The following TBL1Y variants were observed in gnomAD, a reference collection of about 807,000 sequenced individuals.
TBL1Y encodes F-box-like/WD repeat-containing protein TBL1Y.
In TBL1Y, 15 loss-of-function variants were observed where a neutral mutation model predicts 12.0. The observed-to-expected ratio is 1.25, with a 90% CI of 0.83 to 1.92. TBL1Y has a LOEUF of 1.92. Ranked by LOEUF, TBL1Y falls within the 40% of genes most tolerant of loss-of-function variation. TBL1Y has a pLI of 0.00. For synonymous variants in TBL1Y, 53 were observed against 42.6 expected (o/e 1.24, Z -0.95); for missense variants, 148 against 116.7 (o/e 1.27, Z -1.24).
intron 3 of TBL1Y, among the ~76,000 whole-genome samples, chrY:6,982,031 T>G (rs910048078): frequency 4.5e-4 from 15 of 33,132 alleles, no homozygotes; most frequent in African/African-American, 1.8e-3. Context: ...CCATTGAAAA[T>G]GGGAAGGTCA....
At chrY:7,057,868 C>A in intron 7 of TBL1Y, among the ~76,000 whole-genome samples, 1 of 34,086 alleles carries the variant, frequency 2.9e-5, no homozygotes. Context: ...CCTTTAACAG[C>A]ATCTCTAGTG....
At chrY:6,958,687 T>G (rs2012086718) in intron 2 of TBL1Y, among the ~76,000 whole-genome samples, 1 of 33,455 alleles carries the variant, frequency 3.0e-5, no homozygotes, top group African/African-American at 1.2e-4. Context: ...TACGTCATAA[T>G]TAAGTTCAAG....
intron 1 of TBL1Y, 33 bp from the exon 2 acceptor site, chrY:6,912,055 G>C: frequency 2.9e-5 from 1 of 34,357 alleles, no homozygotes; most frequent in Non-Finnish European, 7.3e-5. Flanking sequence ...CAACTGTTTT[G>C]CATGGTCATG....
At chrY:6,973,033 T>C in intron 2 of TBL1Y, among the ~76,000 whole-genome samples, 1 of 32,598 alleles carries the variant, frequency 3.1e-5, no homozygotes, top group African/African-American at 1.2e-4. Flanking sequence ...CTCTTCTGGA[T>C]GTGCATGTGA....
chrY:7,050,589 T>G, intron 7 of TBL1Y, among the ~76,000 whole-genome samples: 1 of 27,694 alleles, frequency 3.6e-5, no homozygotes, highest in Non-Finnish European at 8.3e-5. Context: ...AAATATAACT[T>G]ATATTCTATT....
intron 5 of TBL1Y, 133 bp from the exon 6 acceptor site, chrY:7,024,902 A>T: frequency 9.5e-6 from 1 of 105,723 alleles, no homozygotes. Flanking sequence ...ATAATTACAA[A>T]ATATAACGCA....
intron 13 of TBL1Y, among the ~76,000 whole-genome samples, chrY:7,075,317 T>C (rs2013055247): frequency 3.0e-5 from 1 of 33,880 alleles, no homozygotes; most frequent in African/African-American, 1.1e-4. Flanking sequence ...TACAGGCAGC[T>C]CAGAGAGTAA....
At chrY:6,922,214 C>T in intron 2 of TBL1Y, among the ~76,000 whole-genome samples, 2 of 33,869 alleles carry the variant, frequency 5.9e-5, no homozygotes, top group Non-Finnish European at 1.5e-4. Flanking sequence ...CTCATAAGGG[C>T]GGTGTGGACC....
At chrY:7,065,370 C>G in intron 8 of TBL1Y, among the ~76,000 whole-genome samples, 3 of 33,678 alleles carry the variant, frequency 8.9e-5, no homozygotes, top group Non-Finnish European at 2.2e-4. Flanking sequence ...TGCCTTCCGC[C>G]ATGACTGTGA....
intron 7 of TBL1Y, among the ~76,000 whole-genome samples, chrY:7,062,336 C>T (rs964243274): frequency 8.8e-5 from 3 of 34,148 alleles, no homozygotes; most frequent in Non-Finnish European, 2.2e-4. Flanking sequence ...TTAGCATTAA[C>T]GTGTCAGATT....
chrY:7,008,946 G>C (rs989650766), intron 4 of TBL1Y, among the ~76,000 whole-genome samples: 11 of 33,789 alleles, frequency 3.3e-4, no homozygotes, highest in Admixed American at 5.4e-4. Flanking sequence ...CTGCCTTTTT[G>C]TGCCCATGGC....
rs1412689762 is a variant in TBL1Y at position 7,025,128 on chromosome Y, A to G, written c.44A>G (p.Tyr15Cys). Reference sequence around the variant, plus strand: ...GAGGTGAACTTTCTGGTTTATCGGTATCTCCAGGAGTCAGGTAAGAGGCTT... The same window carrying G: ...GAGGTGAACTTTCTGGTTTATCGGTGTCTCCAGGAGTCAGGTAAGAGGCTT... ...SDEVNFLVYR[Y>C]LQESGFSHSA... The change falls in exon 6 of 19, where the codon TAT (tyrosine) becomes TGT (cysteine). Residue 15 changes from tyrosine (Y) to cysteine (C), a missense_variant. Transcript: ENST00000383032. 5 of 397,444 alleles carry G rather than the reference A, an allele frequency of 1.3e-5. No individual in the cohort carries two copies. Among genetic ancestry groups the G allele is most frequent in the Admixed American group, 7.4e-5 (1 of 13,437 alleles).
chrY:6,914,176 A>C, intron 2 of TBL1Y, among the ~76,000 whole-genome samples: 1 of 32,015 alleles, frequency 3.1e-5, no homozygotes. Context: ...GCGGGGAAGA[A>C]GGCTTGAGGC....
At chrY:6,955,470 C>T (rs1260389832) in intron 2 of TBL1Y, among the ~76,000 whole-genome samples, 1 of 34,007 alleles carries the variant, frequency 2.9e-5, no homozygotes, top group Admixed American at 2.7e-4. Context: ...GGAAATTGGT[C>T]TTAAATTACA....
At chrY:6,949,780 T>C (rs2012011171) in intron 2 of TBL1Y, among the ~76,000 whole-genome samples, 1 of 33,648 alleles carries the variant, frequency 3.0e-5, no homozygotes, top group African/African-American at 1.2e-4. Flanking sequence ...CCAAAAAATA[T>C]TTTAATGTTA....
In TBL1Y at chrY:6,995,804, G is replaced by A. The variant is rs749798734; in HGVS notation, c.-234G>A. 3 of 25,831 alleles carry A rather than the reference G, an allele frequency of 1.2e-4. No individual in the cohort carries two copies. The highest frequency in any genetic ancestry group is 1.0e-3 in the South Asian group (1 of 974). 6.4% of individuals were successfully genotyped at this position (25,831 alleles called of 400,897 possible). A position where few individuals can be genotyped will look rare whatever the true frequency, so the allele number is the denominator to read the frequency against. ...TTTTTTTTTTTTTTTTTTTTGCCAG[G>A]GGAATGCCAGCTGTTCTCTTAACAG... On this transcript the variant is annotated splice_region_variant and 5_prime_UTR_variant, in exon 4 of 19. Coordinates refer to ENST00000383032, the MANE Select transcript of TBL1Y (RefSeq NM_033284.2).
chrY:6,945,865 G>A (rs1056344044), intron 2 of TBL1Y, among the ~76,000 whole-genome samples: 12 of 33,632 alleles, frequency 3.6e-4, no homozygotes, highest in Non-Finnish European at 8.1e-4. Flanking sequence ...GAACACCGTC[G>A]GTCCCACTTA....
chrY:6,950,110 C>T (rs774709762), intron 2 of TBL1Y, among the ~76,000 whole-genome samples: 25 of 33,617 alleles, frequency 7.4e-4, no homozygotes, highest in African/African-American at 2.9e-3. Context: ...ATTTCCTAAC[C>T]GATAGTCCTT....
intron 14 of TBL1Y, among the ~76,000 whole-genome samples, chrY:7,085,423 C>T: frequency 9.7e-5 from 3 of 30,770 alleles, no homozygotes; most frequent in Non-Finnish European, 2.3e-4. Flanking sequence ...CACTTGAGTT[C>T]AGCAGGTCAA....
Sources: allele counts gnomAD v4.1 joint callset (sites outside exome capture counted in the v4.1 genomes callset), GRCh38; gene constraint gnomAD v4.1.1; transcripts MANE v1.5; gene names NCBI Gene and HGNC (gene_info 2026-07-23, HGNC 2026-07-21).